SNTG1: variants seen among roughly 807,000 people sequenced by gnomAD.
SNTG1 encodes syntrophin gamma 1, also known as gamma-1-syntrophin.
SNTG1 carries 39 observed loss-of-function variants against 74.7 expected under a neutral mutation model. The ratio of observed to expected loss-of-function variants is 0.52; its 90% CI spans 0.40 to 0.68. SNTG1 has a LOEUF of 0.68. Among genes scored for constraint, SNTG1 ranks in the 30% least tolerant of loss-of-function variants. The pLI is 0.00. For synonymous variants in SNTG1, 254 were observed against 217.1 expected (o/e 1.17, Z -1.49); for missense variants, 685 against 609.5 (o/e 1.12, Z -1.30).
intron 13 of SNTG1, among the ~76,000 whole-genome samples, chr8:50,636,617 G>C (rs958618620): frequency 4.6e-5 from 7 of 152,200 alleles, no homozygotes; most frequent in Admixed American, 4.6e-4. Flanking sequence ...CTCTCCTCTT[G>C]CCAAGCTGTC....
At chr8:50,103,706 A>T (rs1365204037) in intron 1 of SNTG1, among the ~76,000 whole-genome samples, 4 of 152,102 alleles carry the variant, frequency 2.6e-5, no homozygotes, top group Non-Finnish European at 2.9e-5. Context: ...TTTGTCATAG[A>T]TAGCTCTTAT....
chr8:50,446,324 T>C (rs1047892561), intron 5 of SNTG1, among the ~76,000 whole-genome samples: 1 of 152,004 alleles, frequency 6.6e-6, no homozygotes, highest in African/African-American at 2.4e-5. Flanking sequence ...ACTGAAGTCA[T>C]TTTCAGAAAT....
At chr8:50,698,125 A>G (rs1056808765) in intron 15 of SNTG1, among the ~76,000 whole-genome samples, 3 of 152,022 alleles carry the variant, frequency 2.0e-5, no homozygotes, top group African/African-American at 7.2e-5. Flanking sequence ...TTTAAATCCA[A>G]TGTTGTTATT....
chr8:50,281,976 C>T (rs1451327923), intron 2 of SNTG1, among the ~76,000 whole-genome samples: 1 of 152,180 alleles, frequency 6.6e-6, no homozygotes, highest in Non-Finnish European at 1.5e-5. Flanking sequence ...GCAGGAGCAT[C>T]GCCATCTTGG....
chr8:49,971,356 G>A (rs1327448901), intron 1 of SNTG1, among the ~76,000 whole-genome samples: 13 of 152,040 alleles, frequency 8.6e-5, no homozygotes, highest in South Asian at 2.1e-4. Context: ...AGGTATTGAC[G>A]GGACGTATCT....
intron 13 of SNTG1, among the ~76,000 whole-genome samples, chr8:50,626,390 A>T (rs545894654): frequency 6.6e-6 from 1 of 152,230 alleles, no homozygotes; most frequent in African/African-American, 2.4e-5. Flanking sequence ...GGTTGAGGAG[A>T]CCCTAACCCA....
At chr8:50,661,672 G>T (rs1355223705) in intron 15 of SNTG1, among the ~76,000 whole-genome samples, 1 of 152,070 alleles carries the variant, frequency 6.6e-6, no homozygotes. Context: ...GCATGTATTA[G>T]GTATTTGTCC....
At chr8:50,756,676 G>A (rs1254364529) in intron 18 of SNTG1, among the ~76,000 whole-genome samples, 2 of 151,664 alleles carry the variant, frequency 1.3e-5, no homozygotes, top group African/African-American at 4.8e-5. Context: ...TGTAGCTTTA[G>A]AGTATGTCTT....
At position 50,796,416 on chromosome 8, in the gene SNTG1, CA is replaced by C. The variant is rs549704175; in HGVS notation, c.*3588del. ...ACCGAATACTTTAAAATCATAATGC[CA>C]CTTATTTGCACATTTGAATTTGCTT... On this transcript the variant is annotated 3_prime_UTR_variant, in exon 19 of 19. Coordinates refer to ENST00000642720, the MANE Select transcript of SNTG1 (RefSeq NM_018967.5). 1.5e-3 allele frequency: 224 copies of C among 151,740 alleles called. 2 individuals carry two copies. The highest frequency in any genetic ancestry group is 5.2e-3 in the African/African-American group (216 of 41,458). 9.4% of individuals were successfully genotyped at this position (151,740 alleles called of 1,614,324 possible).
chr8:50,607,806 TAA>T (rs889276316), intron 13 of SNTG1, among the ~76,000 whole-genome samples: 19 of 151,682 alleles, frequency 1.3e-4, no homozygotes, highest in African/African-American at 4.1e-4. Context: ...AAATGTAACA[TAA>T]GTTTTACATC....
chr8:50,030,974 G>A (rs1011005170), intron 1 of SNTG1, among the ~76,000 whole-genome samples: 4 of 151,714 alleles, frequency 2.6e-5, no homozygotes, highest in Admixed American at 6.6e-5. Context: ...CATGGATGTG[G>A]CATTTTTTAA....
At chr8:50,728,380 G>A (rs777650311) in intron 17 of SNTG1, among the ~76,000 whole-genome samples, 28 of 152,276 alleles carry the variant, frequency 1.8e-4, no homozygotes, top group Non-Finnish European at 3.2e-4. Context: ...TAGGGATGAG[G>A]AGTTACAAAG....
intron 17 of SNTG1, among the ~76,000 whole-genome samples, chr8:50,727,880 C>T (rs2095503960): frequency 6.6e-6 from 1 of 152,136 alleles, no homozygotes; most frequent in Admixed American, 6.5e-5. Context: ...TCTTCTTCAC[C>T]TTCCTCCTAC....
chr8:50,398,844 C>T (rs1175687681), intron 3 of SNTG1, among the ~76,000 whole-genome samples: 1 of 152,120 alleles, frequency 6.6e-6, no homozygotes. Flanking sequence ...GCAGGAGAAT[C>T]GCTCGAACCC....
intron 2 of SNTG1, among the ~76,000 whole-genome samples, chr8:50,213,918 A>G (rs1363415400): frequency 1.3e-5 from 2 of 151,686 alleles, no homozygotes; most frequent in African/African-American, 4.8e-5. Context: ...TGCTGTGCAG[A>G]AGCTCTTTAG....
intron 1 of SNTG1, among the ~76,000 whole-genome samples, chr8:50,037,360 T>A (rs773559516): frequency 6.6e-6 from 1 of 152,170 alleles, no homozygotes; most frequent in Non-Finnish European, 1.5e-5. Context: ...ACGTGGGGCC[T>A]GAGATTCTGC....
chr8:50,508,319 A>C (rs2094028919), intron 9 of SNTG1, among the ~76,000 whole-genome samples: 1 of 152,106 alleles, frequency 6.6e-6, no homozygotes, highest in South Asian at 2.1e-4. Context: ...CCAGTCTATC[A>C]TTGTTGGATA....
At chr8:50,015,236 A>G (rs2130617207) in intron 1 of SNTG1, among the ~76,000 whole-genome samples, 1 of 152,260 alleles carries the variant, frequency 6.6e-6, no homozygotes, top group African/African-American at 2.4e-5. Context: ...GGTGATGTAA[A>G]GCAAAATATT....
chr8:50,581,231 C>A (rs1181962396), intron 12 of SNTG1, among the ~76,000 whole-genome samples: 8 of 152,112 alleles, frequency 5.3e-5, no homozygotes. Flanking sequence ...TGACTAAATT[C>A]CAAAATCTGC....
Sources: allele counts gnomAD v4.1 joint callset (sites outside exome capture counted in the v4.1 genomes callset), GRCh38; gene constraint gnomAD v4.1.1; transcripts MANE v1.5; gene names NCBI Gene and HGNC (gene_info 2026-07-23, HGNC 2026-07-21).